GNG2: variants seen among roughly 807,000 people sequenced by gnomAD.
GNG2 encodes G protein subunit gamma 2.
A neutral mutation model predicts 5.5 loss-of-function variants in GNG2; 5 were observed. The ratio of observed to expected loss-of-function variants is 0.91; its 90% CI spans 0.48 to 1.92. GNG2 has a LOEUF of 1.92. GNG2 is among the 30% of genes most tolerant of loss of function. The pLI is 0.01. For missense variants in GNG2, 55 were observed against 88.4 expected (o/e 0.62, Z 1.52); for synonymous variants, 28 against 32.0 (o/e 0.88, Z 0.42).
chr14:51,941,807 A>G (rs547944608), intron 2 of GNG2, among the ~76,000 whole-genome samples: 6 of 152,236 alleles, frequency 3.9e-5, no homozygotes, highest in Non-Finnish European at 8.8e-5. Context: ...TTATTGTTCC[A>G]TAACAGGCCT....
intron 2 of GNG2, among the ~76,000 whole-genome samples, chr14:51,854,890 C>T (rs1437292665): frequency 6.6e-6 from 1 of 152,130 alleles, no homozygotes; most frequent in East Asian, 1.9e-4. Flanking sequence ...TGCCTGTGTC[C>T]CTCTGTGCTA....
At chr14:51,942,589 C>CTTTCT (rs761049973) in intron 2 of GNG2, among the ~76,000 whole-genome samples, 30 of 81,130 alleles carry the variant, frequency 3.7e-4, no homozygotes, top group Non-Finnish European at 4.3e-4. Flanking sequence ...TTCTTTCTTT[C>CTTTCT]TTTTTTTTTT....
intron 2 of GNG2, among the ~76,000 whole-genome samples, chr14:51,903,365 C>T (rs1304471226): frequency 6.6e-6 from 1 of 152,100 alleles, no homozygotes; most frequent in Admixed American, 6.5e-5. Flanking sequence ...CAACCTAACC[C>T]CATATTTTTG....
chr14:51,835,255 C>T (rs1236654346), intron 2 of GNG2, among the ~76,000 whole-genome samples: 3 of 152,160 alleles, frequency 2.0e-5, no homozygotes, highest in Non-Finnish European at 2.9e-5. Context: ...GCATAAAGGG[C>T]CAGAAAGTAG....
At chr14:51,902,308 T>G in intron 2 of GNG2, among the ~76,000 whole-genome samples, 1 of 152,196 alleles carries the variant, frequency 6.6e-6, no homozygotes, top group Non-Finnish European at 1.5e-5. Context: ...TTACATAAAG[T>G]GCTTATTCAA....
Position 51,948,137 on chromosome 14 carries a change from C to T in GNG2, c.-29-2513C>T, listed in dbSNP as rs148011638. On this transcript the variant is annotated intron_variant, in intron 2 of 3. Transcript: ENST00000556766. ...CCTTCAAGAACATTTCTGCTTATAT[C>T]TCATTGGCCAAAACTTAGTCATGTA... Among the ~76,000 whole-genome samples the T allele has an allele frequency of 4.3e-4, 65 of 152,340 alleles. No individual in the cohort carries two copies. In the East Asian group the frequency reaches 0.01, roughly 24 times the overall value.
chr14:51,959,039 A>G (rs2140299019), intron 3 of GNG2, among the ~76,000 whole-genome samples: 1 of 152,102 alleles, frequency 6.6e-6, no homozygotes, highest in East Asian at 1.9e-4. Flanking sequence ...GCCTTGAAAC[A>G]CTTTCTTTAT....
At chr14:51,840,844 AG>A (rs1294674571) in intron 2 of GNG2, among the ~76,000 whole-genome samples, 2 of 152,222 alleles carry the variant, frequency 1.3e-5, no homozygotes, top group Non-Finnish European at 2.9e-5. Context: ...ATGTTAGATA[AG>A]CAAATCCCTG....
chr14:51,872,310 T>TTGTGTGTGTG (rs35147124), intron 1 of GNG2, among the ~76,000 whole-genome samples: 66 of 149,988 alleles, frequency 4.4e-4, no homozygotes, highest in African/African-American at 1.6e-3. Context: ...AATGACTATT[T>TTGTGTGTGTG]TGTGTGTGTG....
intron 2 of GNG2, among the ~76,000 whole-genome samples, chr14:51,833,254 A>T (rs917030415): frequency 2.0e-5 from 3 of 152,228 alleles, no homozygotes; most frequent in Admixed American, 2.0e-4. Context: ...GTACCTCTTC[A>T]TAGCAATTTT....
At chr14:51,960,548 G>T (rs577172032) in intron 3 of GNG2, among the ~76,000 whole-genome samples, 3 of 147,422 alleles carry the variant, frequency 2.0e-5, no homozygotes, top group African/African-American at 8.1e-5. Flanking sequence ...TTTTTATCTT[G>T]TGTTGATTTA....
rs766500122 is a variant in GNG2, at chr14:51,855,199, AG to A, written c.64+27394del. On this transcript the variant is annotated intron_variant, in intron 2 of 3. Transcript: ENST00000553432. Reference sequence around the variant, plus strand: ...CACTACTGGCTGTGCCCAGAGCAAAAGGAGAGAACTCATGGTTCCAACACAT... The same window carrying A: ...CACTACTGGCTGTGCCCAGAGCAAAAGAGAGAACTCATGGTTCCAACACAT... Among the ~76,000 whole-genome samples the A allele has an allele frequency of 2.0e-5, 3 of 152,184 alleles. No homozygotes were observed. In the South Asian group the frequency reaches 6.2e-4, roughly 32 times the overall value.
At chr14:51,916,654 C>T (rs950566741) in intron 2 of GNG2, 1 of 381,594 alleles carries the variant, frequency 2.6e-6, no homozygotes, top group Non-Finnish European at 5.1e-6. Flanking sequence ...GGCCTACCTG[C>T]CTGCGGTGTG....
At chr14:51,870,981 A>G (rs1883256785) in intron 1 of GNG2, among the ~76,000 whole-genome samples, 1 of 152,228 alleles carries the variant, frequency 6.6e-6, no homozygotes, top group South Asian at 2.1e-4. Context: ...TTAGATTTGC[A>G]TTTTTAAACA....
At chr14:51,829,368 T>C (rs1279991398) in intron 2 of GNG2, among the ~76,000 whole-genome samples, 2 of 152,188 alleles carry the variant, frequency 1.3e-5, no homozygotes, top group Non-Finnish European at 2.9e-5. Flanking sequence ...ACCTTTTCAC[T>C]ATCTGTTACA....
chr14:51,906,324 T>TG (rs1427026684), intron 2 of GNG2, among the ~76,000 whole-genome samples: 1 of 152,260 alleles, frequency 6.6e-6, no homozygotes, highest in Non-Finnish European at 1.5e-5. Context: ...CCATACTTAC[T>TG]GATATATAAT....
chr14:51,905,849 C>T (rs1432933347), intron 2 of GNG2, among the ~76,000 whole-genome samples: 6 of 152,202 alleles, frequency 3.9e-5, no homozygotes, highest in South Asian at 2.1e-4. Flanking sequence ...CAATTTTACT[C>T]GGCACTTTTC....
At chr14:51,937,563 T>A (rs1161021539) in intron 2 of GNG2, among the ~76,000 whole-genome samples, 3 of 152,148 alleles carry the variant, frequency 2.0e-5, no homozygotes, top group Non-Finnish European at 2.9e-5. Context: ...GTTTTCTGAA[T>A]CTCTATGCTT....
intron 2 of GNG2, among the ~76,000 whole-genome samples, chr14:51,919,340 T>C (rs36016212): frequency 0.055 from 8,334 of 152,268 alleles, 243 homozygotes; most frequent in African/African-American, 0.081. Context: ...ATTGTAAGAA[T>C]AGTGCTTAAA....
Sources: gnomAD v4.1 joint callset for allele counts (sites outside exome capture counted in the v4.1 genomes callset) on GRCh38, gnomAD v4.1.1 for gene constraint, MANE v1.5 for transcripts, NCBI Gene and HGNC (gene_info 2026-07-23, HGNC 2026-07-21) for gene names.